Variants in KCNJ5 observed in about 807,000 individuals in gnomAD.
The protein encoded by KCNJ5 is G protein-activated inward rectifier potassium channel 4.
In KCNJ5, 12 loss-of-function variants were observed where a neutral mutation model predicts 20.2. The observed-to-expected ratio is 0.59, with a 90% CI of 0.38 to 0.96. KCNJ5 has a LOEUF of 0.96. KCNJ5 is among the 40% of genes least tolerant of loss of function. KCNJ5 has a pLI of 0.00. For synonymous variants in KCNJ5, 210 were observed against 213.9 expected (o/e 0.98, Z 0.16); for missense variants, 449 against 557.6 (o/e 0.81, Z 1.96).
In KCNJ5 at chr11:128,916,444, A is replaced by T. The variant is rs866481382; in HGVS notation, c.973A>T (p.Thr325Ser). Residue 325 changes from threonine to serine, a missense_variant, in exon 3 of 3, where the codon ACA (threonine) becomes TCA (serine). Around this residue, in one of 5 missense-constraint regions of KCNJ5, gnomAD observed 145 missense variants for 166.2 expected, o/e 0.87. Coordinates refer to ENST00000529694, the MANE Select transcript of KCNJ5 (RefSeq NM_000890.5). ...TCQARSSYMD[T>S]EVLWGHRFTP... ...CCAAGCCCGGAGCTCCTACATGGAT[A>T]CAGAGGTGCTCTGGGGCCACCGATT... 2 of 1,614,090 alleles carry T rather than the reference A, an allele frequency of 1.2e-6. No individual in the cohort carries two copies. Among genetic ancestry groups the T allele is most frequent in the Non-Finnish European group, 1.7e-6 (2 of 1,180,050 alleles).
At chr11:128,902,869 T>A (rs1944313867) in intron 1 of KCNJ5, among the ~76,000 whole-genome samples, 1 of 152,206 alleles carries the variant, frequency 6.6e-6, no homozygotes, top group Admixed American at 6.5e-5. Flanking sequence ...AACCGGCAGC[T>A]GACAGACTGA....
At chr11:128,913,248 T>A (rs1045957570) in intron 2 of KCNJ5, among the ~76,000 whole-genome samples, 2 of 152,208 alleles carry the variant, frequency 1.3e-5, no homozygotes, top group Admixed American at 1.3e-4. Flanking sequence ...GTTGGTTTAG[T>A]GAACGCAGGG....
rs1591454312 is a variant in KCNJ5 at position 128,916,818 on chromosome 11, G to A, written c.*87G>A. ...CTGGGAGCAGGGGAGGGGAATAGTT[G>A]AGTGTGCTGTTTGGGGGCTCAGGAG... On this transcript the variant is annotated 3_prime_UTR_variant, in exon 3 of 3. Transcript: ENST00000529694. 9.4e-7 allele frequency: 1 copy of A among 1,067,276 alleles called. No homozygotes were observed. The highest frequency in any genetic ancestry group is 1.6e-5 in the African/African-American group (1 of 62,610). 66.1% of individuals were successfully genotyped at this position (1,067,276 alleles called of 1,614,324 possible). A position where few individuals can be genotyped will look rare whatever the true frequency, so the allele number is the denominator to read the frequency against.
intron 1 of KCNJ5, chr11:128,904,755 G>GCTGA (rs3971774): frequency 0.29 from 162,421 of 556,776 alleles, 25,685 homozygotes; most frequent in African/African-American, 0.51. Context: ...GTGGGGGTTC[G>GCTGA]CTGACTAATT....
chr11:128,894,318 ACACT>A (rs367718033), intron 1 of KCNJ5, among the ~76,000 whole-genome samples: 16 of 152,122 alleles, frequency 1.1e-4, no homozygotes, highest in African/African-American at 1.9e-4. Context: ...ATGTTAGCAA[ACACT>A]CACATTTTCT....
At chr11:128,902,762 A>C (rs368999936) in intron 1 of KCNJ5, 22 of 1,541,664 alleles carry the variant, frequency 1.4e-5, no homozygotes, top group Admixed American at 1.9e-5. Context: ...TGGCACTACC[A>C]CAACTCTTAA....
intron 2 of KCNJ5, among the ~76,000 whole-genome samples, chr11:128,913,157 G>A (rs1240088401): frequency 6.6e-6 from 1 of 152,186 alleles, no homozygotes; most frequent in Non-Finnish European, 1.5e-5. Flanking sequence ...CCCCTTACTT[G>A]GAGAGACCTT....
At chr11:128,896,219 C>T (rs1944175226) in intron 1 of KCNJ5, among the ~76,000 whole-genome samples, 1 of 152,016 alleles carries the variant, frequency 6.6e-6, no homozygotes, top group South Asian at 2.1e-4. Flanking sequence ...CTTTATTTTT[C>T]CACTAAATGC....
chr11:128,911,587 G>A lies in KCNJ5; in HGVS notation c.314G>A (p.Gly105Asp), dbSNP rs776932193. The A allele has an allele frequency of 5.0e-6, 8 of 1,614,210 alleles. No homozygotes were observed. Among genetic ancestry groups the A allele is most frequent in the Non-Finnish European group, 5.9e-6 (7 of 1,180,042 alleles). ...TACACTGTCACCTGGCTGTTCTTCG[G>A]CTTCATTTGGTGGCTCATTGCTTAT... ...MVYTVTWLFF[G>D]FIWWLIAYIR... Residue 105 changes from glycine to aspartate, a missense_variant, in exon 2 of 3, where the codon GGC becomes GAC. Gly to Asp is a moderately conservative substitution (Grantham distance 94). Around this residue, in one of 5 missense-constraint regions of KCNJ5, gnomAD observed 203 missense variants for 258.0 expected, o/e 0.79. Transcript: ENST00000529694. The surrounding 1 kb of genome is among the most constrained non-coding windows in gnomAD (Gnocchi z 6.3).
chr11:128,911,973 A>C lies in KCNJ5; in HGVS notation c.700A>C (p.Ile234Leu). 4 of 1,602,262 alleles carry C rather than the reference A, an allele frequency of 2.5e-6. No homozygotes were observed. Among genetic ancestry groups the C allele is most frequent in the Non-Finnish European group, 3.4e-6 (4 of 1,172,412 alleles). Residue 234 changes from isoleucine (I) to leucine (L), a missense_variant, in exon 2 of 3, where the codon ATC (isoleucine) becomes CTC (leucine). Physicochemically the swap from Ile to Leu is conservative, Grantham distance 5. Transcript: ENST00000529694. The surrounding 1 kb of genome is among the most constrained non-coding windows in gnomAD (Gnocchi z 6.3). ...CAACTCCCACATCGTGGAGGCCTCC[A>C]TCCGGGCCAAGCTCATCAAGTCCCG... Reference protein sequence around the residue: ...LRNSHIVEASIRAKLIKSRQT... With the variant: ...LRNSHIVEASLRAKLIKSRQT...
rs1944658675 is a variant in KCNJ5, at chr11:128,921,108, A to G, written c.*4377A>G. 1 of 152,248 alleles carries G rather than the reference A, an allele frequency of 6.6e-6. No individual in the cohort carries two copies. The highest frequency in any genetic ancestry group is 2.1e-4 in the South Asian group (1 of 4,838). The allele number at this position is 152,248 out of a possible 1,614,324, so 9.4% of individuals were successfully genotyped here. A position where few individuals can be genotyped will look rare whatever the true frequency, so the allele number is the denominator to read the frequency against. On this transcript the variant is annotated 3_prime_UTR_variant, in exon 3 of 3. Transcript: ENST00000529694. Reference sequence around the variant, plus strand: ...TTCATCAATCTTCGTATGCAAAAGAACACCACTGCACTGCACTGCTAAAAA... The same window carrying G: ...TTCATCAATCTTCGTATGCAAAAGAGCACCACTGCACTGCACTGCTAAAAA...
intron 1 of KCNJ5, among the ~76,000 whole-genome samples, chr11:128,905,113 T>A (rs2135992452): frequency 6.6e-6 from 1 of 152,294 alleles, no homozygotes; most frequent in Non-Finnish European, 1.5e-5. Context: ...TTGGGCACAG[T>A]CTCTGGGTGG....
chr11:128,894,559 T>C (rs1159305870), intron 1 of KCNJ5, among the ~76,000 whole-genome samples: 1 of 152,276 alleles, frequency 6.6e-6, no homozygotes, highest in Non-Finnish European at 1.5e-5. Context: ...TTCTGTGTTT[T>C]GTTTTTATTT....
intron 1 of KCNJ5, among the ~76,000 whole-genome samples, chr11:128,910,895 A>G (rs1000672853): frequency 4.6e-5 from 7 of 152,252 alleles, no homozygotes; most frequent in African/African-American, 1.7e-4. Flanking sequence ...AAGAAGCCAC[A>G]ATCCACATGT....
intron 1 of KCNJ5, among the ~76,000 whole-genome samples, chr11:128,894,855 C>G (rs935876006): frequency 6.6e-6 from 1 of 152,212 alleles, no homozygotes; most frequent in African/African-American, 2.4e-5. Context: ...CCCAGGATGG[C>G]GGGAACCCTT....
In KCNJ5 at chr11:128,916,624, C is replaced by A. The variant is rs2136004082; in HGVS notation, c.1153C>A (p.Leu385Met). The change falls in exon 3 of 3, where the codon CTG (leucine) becomes ATG (methionine). Residue 385 changes from leucine (L) to methionine (M), a missense_variant. This residue lies in a region of KCNJ5 where 64 missense variants were observed against 51.3 expected (regional missense o/e 1.25). Coordinates refer to ENST00000529694, the MANE Select transcript of KCNJ5 (RefSeq NM_000890.5). Reference sequence around the variant, plus strand: ...CCTCCAGTACCTCCCCAGCCCCCCACTGCTGGGGGGCTGTGCTGAGGCAGG... The same window carrying A: ...CCTCCAGTACCTCCCCAGCCCCCCAATGCTGGGGGGCTGTGCTGAGGCAGG... ...RLLQYLPSPP[L>M]LGGCAEAGLD... 1 of 1,613,252 alleles carries A rather than the reference C, an allele frequency of 6.2e-7. No individual in the cohort carries two copies. Among genetic ancestry groups the A allele is most frequent in the Non-Finnish European group, 8.5e-7 (1 of 1,179,240 alleles).
Position 128,921,034 on chromosome 11 carries a change from A to G in KCNJ5, c.*4303A>G, listed in dbSNP as rs1302959459. On this transcript the variant is annotated 3_prime_UTR_variant, in exon 3 of 3. Coordinates refer to ENST00000529694, the MANE Select transcript of KCNJ5 (RefSeq NM_000890.5). ...TACTCGGCTCGCCTTGGTTTTTGCTAACAACGTCTCCTTAAACTGCTGTCA... is the reference window on the plus strand; with the variant it reads ...TACTCGGCTCGCCTTGGTTTTTGCTGACAACGTCTCCTTAAACTGCTGTCA... 1.3e-5 allele frequency: 2 copies of G among 152,274 alleles called. No individual in the cohort carries two copies. Among genetic ancestry groups the G allele is most frequent in the African/African-American group, 4.8e-5 (2 of 41,470 alleles). The allele number at this position is 152,274 out of a possible 1,614,324, so 9.4% of individuals were successfully genotyped here.
intron 1 of KCNJ5, chr11:128,904,300 C>A: frequency 7.2e-7 from 1 of 1,381,552 alleles, no homozygotes. Context: ...CCCAGACAAG[C>A]CAAATTCAGG....
intron 1 of KCNJ5, among the ~76,000 whole-genome samples, chr11:128,903,790 G>C (rs1445287888): frequency 6.6e-6 from 1 of 152,198 alleles, no homozygotes; most frequent in Admixed American, 6.5e-5. Flanking sequence ...GGGAGCAGGA[G>C]GGAGAGGGAG....
Sources: gnomAD v4.1 joint callset for allele counts (sites outside exome capture counted in the v4.1 genomes callset) on GRCh38, gnomAD v4.1.1 for gene constraint, gnomAD v4.1.1 regional missense constraint, Gnocchi (gnomAD v3.1) non-coding constraint, MANE v1.5 for transcripts, NCBI Gene and HGNC (gene_info 2026-07-23, HGNC 2026-07-21) for gene names.